Variants in CAPN9 observed in about 807,000 individuals in gnomAD.
CAPN9 encodes the protein calpain 9, also known as calpain-9.
CAPN9 carries 81 observed loss-of-function variants against 92.8 expected under a neutral mutation model. The observed-to-expected ratio is 0.87, with a 90% CI of 0.73 to 1.05. CAPN9 has a LOEUF of 1.05. CAPN9 is among the 50% of genes least tolerant of loss of function. The probability of loss-of-function intolerance (pLI) is 0.00; values close to 1 mark genes in which losing one functional copy is unlikely to be tolerated. For missense variants in CAPN9, 848 were observed against 866.2 expected (o/e 0.98, Z 0.26); for synonymous variants, 304 against 328.0 (o/e 0.93, Z 0.79).
intron 12 of CAPN9, 35 bp from the exon 13 acceptor site, chr1:230,787,487 A>T (rs772499649): frequency 6.3e-7 from 1 of 1,576,320 alleles, no homozygotes; most frequent in Admixed American, 1.7e-5. Context: ...TTTTTTGTGG[A>T]TCATTTTGTG....
chr1:230,770,948 C>T (rs1666352491), intron 6 of CAPN9, among the ~76,000 whole-genome samples: 1 of 152,202 alleles, frequency 6.6e-6, no homozygotes, highest in Non-Finnish European at 1.5e-5. Flanking sequence ...CTTTGGGATT[C>T]TTTAGAATGT....
intron 10 of CAPN9, 50 bp downstream of exon 10, chr1:230,780,386 T>A: frequency 6.2e-7 from 1 of 1,605,304 alleles, no homozygotes; most frequent in East Asian, 2.2e-5. Context: ...GAGTTCTAAA[T>A]TCGCGGCTCC....
chr1:230,749,999 A>G (rs1245516645), intron 1 of CAPN9, among the ~76,000 whole-genome samples: 1 of 152,138 alleles, frequency 6.6e-6, no homozygotes, highest in Non-Finnish European at 1.5e-5. Flanking sequence ...ACCAGCATGG[A>G]GGGCATCTTT....
At chr1:230,752,286 C>T (rs549483339) in intron 1 of CAPN9, among the ~76,000 whole-genome samples, 3 of 152,244 alleles carry the variant, frequency 2.0e-5, no homozygotes, top group South Asian at 2.1e-4. Flanking sequence ...CACATGCGTC[C>T]GCAGAACCCC....
intron 18 of CAPN9, among the ~76,000 whole-genome samples, chr1:230,796,029 T>TA (rs34471137): frequency 0.31 from 43,358 of 139,688 alleles, 7,880 homozygotes; most frequent in African/African-American, 0.53. Context: ...AATACTTGAT[T>TA]AAAAAAAAAA....
intron 4 of CAPN9, among the ~76,000 whole-genome samples, chr1:230,766,886 T>C (rs993157942): frequency 3.9e-5 from 6 of 152,052 alleles, no homozygotes; most frequent in African/African-American, 1.5e-4. Context: ...AACCATCAGA[T>C]CTGATGAGAC....
chr1:230,774,275 G>T (rs1449132178), intron 7 of CAPN9, among the ~76,000 whole-genome samples: 1 of 152,214 alleles, frequency 6.6e-6, no homozygotes, highest in African/African-American at 2.4e-5. Flanking sequence ...AATGCCTTGT[G>T]ACTATCCCAA....
chr1:230,779,750 G>A (rs1163767370), intron 9 of CAPN9, among the ~76,000 whole-genome samples: 3 of 152,186 alleles, frequency 2.0e-5, no homozygotes, highest in South Asian at 4.1e-4. Flanking sequence ...CAGAATTCAT[G>A]CTGGAGCAGT....
At chr1:230,780,922 A>G (rs932073319) in intron 11 of CAPN9, among the ~76,000 whole-genome samples, 9 of 151,620 alleles carry the variant, frequency 5.9e-5, no homozygotes, top group Admixed American at 3.9e-4. Context: ...CTGGAGTGCA[A>G]TGGTGCCATC....
chr1:230,749,013 CAT>C (rs1442484989), intron 1 of CAPN9, among the ~76,000 whole-genome samples: 2 of 152,060 alleles, frequency 1.3e-5, no homozygotes, highest in African/African-American at 2.4e-5. Context: ...ACTGTGTGCA[CAT>C]GTGTGTGGAT....
intron 14 of CAPN9, chr1:230,790,429 C>A: frequency 2.1e-6 from 1 of 466,930 alleles, no homozygotes; most frequent in Non-Finnish European, 2.8e-6. Flanking sequence ...CAAATGATCT[C>A]ACCACCATAA....
intron 5 of CAPN9, 43 bp from the exon 6 acceptor site, chr1:230,769,137 T>A: frequency 6.6e-7 from 1 of 1,522,420 alleles, no homozygotes; most frequent in African/African-American, 1.4e-5. Context: ...AGGGGAGGCT[T>A]GACTTAGACG....
chr1:230,759,298 A>G (rs756305671), intron 2 of CAPN9, among the ~76,000 whole-genome samples: 2 of 152,246 alleles, frequency 1.3e-5, no homozygotes, highest in African/African-American at 2.4e-5. Flanking sequence ...AGTGCCAAGA[A>G]GGCAACAGCT....
chr1:230,764,742 T>G (rs1447046745), intron 4 of CAPN9, among the ~76,000 whole-genome samples: 1 of 152,184 alleles, frequency 6.6e-6, no homozygotes, highest in African/African-American at 2.4e-5. Flanking sequence ...AGTGAACGGA[T>G]GGTGGATGGC....
In CAPN9 at chr1:230,779,036, T is replaced by A. The variant is rs370629822; in HGVS notation, c.1017T>A (p.Asp339Glu). 1 of 1,613,176 alleles carries A rather than the reference T, an allele frequency of 6.2e-7. No homozygotes were observed. Among genetic ancestry groups the A allele is most frequent in the Non-Finnish European group, 8.5e-7 (1 of 1,179,698 alleles). Residue 339 changes from aspartate (D) to glutamate (E), a missense_variant, in exon 9 of 20, where the codon GAT becomes GAA. Asp to Glu is a conservative substitution (Grantham distance 45). Transcript: ENST00000271971. ...DKVEICNLTP[D>E]ALEEDAIHKW... ...TGGAGATCTGCAACCTCACTCCCGA[T>A]GCCCTGGAGGAAGACGCGATCCACA...
intron 16 of CAPN9, 68 bp downstream of exon 16, chr1:230,792,562 A>C: frequency 8.0e-7 from 1 of 1,246,544 alleles, no homozygotes; most frequent in Non-Finnish European, 1.2e-6. Flanking sequence ...GGGATTTAAA[A>C]TGGTGCAGCA....
chr1:230,792,289 C>T, intron 15 of CAPN9, 137 bp from the exon 16 acceptor site: 1 of 698,304 alleles, frequency 1.4e-6, no homozygotes, highest in Admixed American at 2.4e-5. Flanking sequence ...ATCATTAAAA[C>T]CACTTCCCCA....
intron 19 of CAPN9, among the ~76,000 whole-genome samples, chr1:230,800,231 G>GAAAAAAGACAGA (rs1275542783): frequency 3.9e-5 from 2 of 51,476 alleles, no homozygotes; most frequent in Admixed American, 2.0e-4. Context: ...AAGAAAGAAA[G>GAAAAAAGACAGA]AAGAAAGAAA....
At chr1:230,759,797 A>T (rs562408671) in intron 3 of CAPN9, among the ~76,000 whole-genome samples, 167 bp downstream of exon 3, 2 of 152,314 alleles carry the variant, frequency 1.3e-5, no homozygotes, top group South Asian at 4.1e-4. Context: ...TAACAGCTAA[A>T]TGCCTCAGAA....
Sources: allele counts gnomAD v4.1 joint callset (sites outside exome capture counted in the v4.1 genomes callset), GRCh38; gene constraint gnomAD v4.1.1; transcripts MANE v1.5; gene names NCBI Gene and HGNC (gene_info 2026-07-23, HGNC 2026-07-21).